CNTLN: variants seen among roughly 807,000 people sequenced by gnomAD.
CNTLN encodes the protein centlein, centrosomal protein.
Under a neutral mutation model 180.0 loss-of-function variants are expected in CNTLN, and 212 were observed. The observed-to-expected ratio is 1.18, with a 90% CI of 1.05 to 1.32. The LOEUF (loss-of-function observed/expected upper bound fraction) is 1.32, where lower values mean the gene tolerates loss of function less well. Ranked by LOEUF, CNTLN falls within the 40% of genes most tolerant of loss-of-function variation. CNTLN has a pLI of 0.00. For synonymous variants in CNTLN, 722 were observed against 563.1 expected (o/e 1.28, Z -3.99); for missense variants, 2,095 against 1,610.9 (o/e 1.30, Z -5.14).
intron 5 of CNTLN, among the ~76,000 whole-genome samples, chr9:17,270,581 AACGTGGAT>A (rs1474156871): frequency 6.6e-6 from 1 of 152,128 alleles, no homozygotes; most frequent in African/African-American, 2.4e-5. Context: ...TTCCCTTTCT[AACGTGGAT>A]AACAGGTCAT....
intron 8 of CNTLN, among the ~76,000 whole-genome samples, chr9:17,327,362 G>C (rs903603972): frequency 6.6e-6 from 1 of 151,756 alleles, no homozygotes; most frequent in Non-Finnish European, 1.5e-5. Context: ...ACAGGCGTCT[G>C]CCACAGTGAG....
At chr9:17,354,185 G>A (rs572088589) in intron 12 of CNTLN, among the ~76,000 whole-genome samples, 150 of 152,286 alleles carry the variant, frequency 9.8e-4, no homozygotes, top group Non-Finnish European at 1.3e-3. Flanking sequence ...GGCAGGGCTC[G>A]GGACCTGCAG....
chr9:17,468,227 C>T (rs984728033), intron 23 of CNTLN, among the ~76,000 whole-genome samples: 7 of 151,552 alleles, frequency 4.6e-5, no homozygotes, highest in South Asian at 4.2e-4. Flanking sequence ...CAATAGACAT[C>T]GGGGCCTACT....
chr9:17,337,508 AT>A (rs1211753714), intron 10 of CNTLN, among the ~76,000 whole-genome samples: 20 of 151,692 alleles, frequency 1.3e-4, no homozygotes, highest in African/African-American at 4.9e-4. Flanking sequence ...AATATTGAAC[AT>A]TTTACACTAA....
chr9:17,330,491 G>A, intron 8 of CNTLN, 141 bp from the exon 9 acceptor site: 1 of 462,320 alleles, frequency 2.2e-6, no homozygotes, highest in Non-Finnish European at 3.7e-6. Flanking sequence ...TTCAGCTCCT[G>A]CTAGTTTATT....
At chr9:17,293,349 G>C (rs1234997667) in intron 6 of CNTLN, among the ~76,000 whole-genome samples, 2 of 152,236 alleles carry the variant, frequency 1.3e-5, no homozygotes, top group Non-Finnish European at 2.9e-5. Flanking sequence ...GGACTGCCTG[G>C]ATTCCTCAGA....
intron 5 of CNTLN, among the ~76,000 whole-genome samples, chr9:17,243,441 G>C (rs1412943594): frequency 6.6e-6 from 1 of 152,018 alleles, no homozygotes; most frequent in Non-Finnish European, 1.5e-5. Context: ...TTTTGATGTA[G>C]ATTCTTACAG....
At chr9:17,226,055 C>T in intron 2 of CNTLN, 148 bp from the exon 3 acceptor site, 1 of 406,708 alleles carries the variant, frequency 2.5e-6, no homozygotes, top group Non-Finnish European at 4.3e-6. Flanking sequence ...TAGTTTTCAG[C>T]AGTTGTAAGT....
At chr9:17,256,153 T>G (rs1826473713) in intron 5 of CNTLN, among the ~76,000 whole-genome samples, 3 of 152,006 alleles carry the variant, frequency 2.0e-5, no homozygotes, top group Admixed American at 2.0e-4. Context: ...TTATCCAGTC[T>G]GCTATTGATG....
intron 18 of CNTLN, among the ~76,000 whole-genome samples, chr9:17,422,772 G>A (rs953370341): frequency 6.6e-6 from 1 of 152,066 alleles, no homozygotes; most frequent in Non-Finnish European, 1.5e-5. Context: ...GTTGCTTGTG[G>A]ATGTTTGCTG....
chr9:17,310,121 CTTTA>C (rs1563982998), intron 8 of CNTLN, among the ~76,000 whole-genome samples: 1 of 151,934 alleles, frequency 6.6e-6, no homozygotes, highest in Non-Finnish European at 1.5e-5. Context: ...TTGTTTAGTT[CTTTA>C]TTATAATAAA....
At chr9:17,316,447 C>T (rs1186756092) in intron 8 of CNTLN, among the ~76,000 whole-genome samples, 1 of 152,000 alleles carries the variant, frequency 6.6e-6, no homozygotes, top group African/African-American at 2.4e-5. Context: ...TAGGATGGGG[C>T]TATGTCCTGA....
intron 23 of CNTLN, among the ~76,000 whole-genome samples, chr9:17,468,853 A>G (rs1284281397): frequency 1.3e-5 from 2 of 151,758 alleles, no homozygotes; most frequent in Non-Finnish European, 3.0e-5. Context: ...TTCAAGGGTA[A>G]TGTTAGTCCT....
chr9:17,262,811 T>G (rs898525898), intron 5 of CNTLN, among the ~76,000 whole-genome samples: 2 of 151,334 alleles, frequency 1.3e-5, no homozygotes, highest in Admixed American at 1.3e-4. Flanking sequence ...TTCCAGCTTT[T>G]GCCAGTATGA....
intron 5 of CNTLN, among the ~76,000 whole-genome samples, chr9:17,257,070 C>A (rs1164037607): frequency 6.6e-6 from 1 of 151,876 alleles, no homozygotes; most frequent in Non-Finnish European, 1.5e-5. Flanking sequence ...TGGTGCACTG[C>A]ACCCACTAAC....
intron 18 of CNTLN, among the ~76,000 whole-genome samples, chr9:17,446,021 C>T (rs1171180840): frequency 1.3e-5 from 2 of 152,190 alleles, no homozygotes; most frequent in Non-Finnish European, 2.9e-5. Context: ...TATCTAAAAG[C>T]ACAGCACTTA....
chr9:17,347,625 T>A (rs929731197), intron 12 of CNTLN, among the ~76,000 whole-genome samples: 1 of 145,044 alleles, frequency 6.9e-6, no homozygotes, highest in East Asian at 2.0e-4. Flanking sequence ...ACCGAGATCA[T>A]GCCATTGCAC....
intron 5 of CNTLN, among the ~76,000 whole-genome samples, chr9:17,236,855 A>G (rs1008938305): frequency 3.3e-5 from 5 of 152,344 alleles, no homozygotes; most frequent in Admixed American, 2.0e-4. Context: ...TTCAAATAAC[A>G]TATTTAGAAT....
chr9:17,278,544 T>C (rs1828462803), intron 6 of CNTLN, among the ~76,000 whole-genome samples: 1 of 152,176 alleles, frequency 6.6e-6, no homozygotes. Context: ...CTCTTTCATG[T>C]TTCTTGTTAC....
Sources: allele counts gnomAD v4.1 joint callset (sites outside exome capture counted in the v4.1 genomes callset), GRCh38; gene constraint gnomAD v4.1.1; transcripts MANE v1.5; gene names NCBI Gene and HGNC (gene_info 2026-07-23, HGNC 2026-07-21).